The following PCDH15 variants were observed in gnomAD, a reference collection of about 807,000 sequenced individuals.
PCDH15 encodes protocadherin related 15.
Under a neutral mutation model 178.5 loss-of-function variants are expected in PCDH15, and 129 were observed. That is an observed-to-expected ratio of 0.72 (90% CI 0.63 to 0.84). PCDH15 has a LOEUF of 0.84. Ranked by LOEUF, PCDH15 falls within the 40% of genes least tolerant of loss-of-function variation. The pLI, the probability that PCDH15 is intolerant of heterozygous loss-of-function variation, is 0.00. For missense variants in PCDH15, 2,230 were observed against 2,099.9 expected (o/e 1.06, Z -1.21); for synonymous variants, 800 against 732.0 (o/e 1.09, Z -1.50).
intron 2 of PCDH15, among the ~76,000 whole-genome samples, chr10:55,480,781 C>T (rs963761606): frequency 3.3e-5 from 5 of 151,404 alleles, no homozygotes; most frequent in Non-Finnish European, 5.9e-5. Context: ...AAGATATTGG[C>T]CTGAAGTTTT....
intron 2 of PCDH15, among the ~76,000 whole-genome samples, chr10:55,330,866 G>GTGTGTGTGTGTA (rs1554853797): frequency 1.4e-5 from 2 of 142,854 alleles, no homozygotes; most frequent in African/African-American, 5.0e-5. Context: ...GTGTGTGTGT[G>GTGTGTGTGTGTA]TGTATGTGTA....
At chr10:55,437,839 T>C (rs1435483332) in intron 2 of PCDH15, among the ~76,000 whole-genome samples, 1 of 147,042 alleles carries the variant, frequency 6.8e-6, no homozygotes, top group Non-Finnish European at 1.5e-5. Context: ...TTTCTTTTTT[T>C]TTTTTTTTTT....
intron 21 of PCDH15, among the ~76,000 whole-genome samples, chr10:53,968,552 C>T (rs913871785): frequency 1.3e-5 from 2 of 152,196 alleles, no homozygotes; most frequent in East Asian, 1.9e-4. Context: ...CAGACTGCCT[C>T]CTCAAGTGGG....
intron 2 of PCDH15, among the ~76,000 whole-genome samples, chr10:55,159,488 CATACACACACACACAT>C (rs910047245): frequency 1.3e-5 from 2 of 149,158 alleles, no homozygotes; most frequent in Admixed American, 6.7e-5. Flanking sequence ...TACACACACA[CATACACACACACACAT>C]ATACACACAC....
At chr10:54,488,310 C>T (rs1380996795) in intron 3 of PCDH15, among the ~76,000 whole-genome samples, 1 of 151,630 alleles carries the variant, frequency 6.6e-6, no homozygotes, top group Non-Finnish European at 1.5e-5. Flanking sequence ...TTATTTTTAA[C>T]TAAAGTAGAA....
chr10:54,195,610 T>C (rs2049522679), intron 11 of PCDH15, 73 bp downstream of exon 11: 3 of 1,282,036 alleles, frequency 2.3e-6, no homozygotes, highest in Non-Finnish European at 3.4e-6. Context: ...TAGCCATATC[T>C]TTGTCATATT....
rs890694685 is a variant in PCDH15, at chr10:55,426,268, G to A, written c.-156+201357C>T. Among the ~76,000 whole-genome samples the A allele has an allele frequency of 5.3e-5, 8 of 152,318 alleles. No homozygotes were observed. In the South Asian group the frequency reaches 1.7e-3, roughly 32 times the overall value. The stretch of plus-strand genomic sequence containing the variant: ...TAGTGCCGGGTTTACTCAGCCCACA[G>A]CTCTCAACTCCTCGCAGGAGGGAGT... On this transcript the variant is annotated intron_variant, in intron 2 of 5. Coordinates refer to the PCDH15 transcript ENST00000613346.
At chr10:54,629,564 T>C (rs1168133531) in intron 2 of PCDH15, among the ~76,000 whole-genome samples, 2 of 152,034 alleles carry the variant, frequency 1.3e-5, no homozygotes, top group African/African-American at 4.8e-5. Context: ...GATAAAAACC[T>C]ACAACAAACT....
intron 2 of PCDH15, among the ~76,000 whole-genome samples, chr10:54,552,287 A>C (rs894508779): frequency 6.6e-6 from 1 of 152,132 alleles, no homozygotes; most frequent in African/African-American, 2.4e-5. Context: ...CAAAATCATA[A>C]AAAGTAGAAA....
At chr10:54,903,842 G>A (rs748276027) in intron 2 of PCDH15, among the ~76,000 whole-genome samples, 47 of 152,012 alleles carry the variant, frequency 3.1e-4, no homozygotes, top group African/African-American at 1.0e-3. Context: ...AAATGGTAGA[G>A]TTCATTTGTC....
At chr10:53,823,905 C>G in intron 32 of PCDH15, 1 of 392,350 alleles carries the variant, frequency 2.5e-6, no homozygotes, top group Non-Finnish European at 5.3e-6. Flanking sequence ...GAGTTTGTCT[C>G]ACAGCCCAAA....
chr10:55,199,138 A>G (rs930005813), intron 1 of PCDH15, among the ~76,000 whole-genome samples: 1 of 152,090 alleles, frequency 6.6e-6, no homozygotes, highest in African/African-American at 2.4e-5. Flanking sequence ...GAAGACAGGG[A>G]AATGAGAGAA....
chr10:53,950,159 C>A (rs1472299010), intron 23 of PCDH15, among the ~76,000 whole-genome samples: 1 of 151,756 alleles, frequency 6.6e-6, no homozygotes, highest in Non-Finnish European at 1.5e-5. Flanking sequence ...GTATAATATT[C>A]TGATTTTGAA....
In PCDH15 at chr10:54,089,875, AGG is replaced by A. The variant is rs1289345142; in HGVS notation, c.1997+107_1997+108del. Reference sequence around the variant, plus strand: ...CCATTAGCATTCATAGAAAACAGAAAGGGAAGTACAACTACAAACAGCTGAAA... The same window carrying A: ...CCATTAGCATTCATAGAAAACAGAAAGAAGTACAACTACAAACAGCTGAAA... On this transcript the variant is annotated intron_variant, in intron 16 of 37. Transcript: ENST00000644397. 5 of 809,188 alleles carry A rather than the reference AGG, an allele frequency of 6.2e-6. No individual in the cohort carries two copies. The African/African-American group carries it at 8.5e-5, about 14-fold the overall frequency. The allele number at this position is 809,188 out of a possible 1,614,324, so 50.1% of individuals were successfully genotyped here.
At chr10:55,340,842 TA>T (rs1445274969) in intron 2 of PCDH15, among the ~76,000 whole-genome samples, 1 of 152,078 alleles carries the variant, frequency 6.6e-6, no homozygotes, top group Non-Finnish European at 1.5e-5. Context: ...TTAATGGATT[TA>T]TTGTGCCTAA....
chr10:54,145,574 T>G lies in PCDH15; in HGVS notation c.1784+7526A>C, dbSNP rs574511738. 3.3e-5 allele frequency among the ~76,000 whole-genome samples: 5 copies of G among 152,202 alleles called. No individual in the cohort carries two copies. The East Asian group carries it at 7.7e-4, about 24-fold the overall frequency. On this transcript the variant is annotated intron_variant, in intron 14 of 37. Transcript: ENST00000644397. Reference sequence around the variant, plus strand: ...CCAATATAGGAGGACAGAGAAAACTTTTCTGGAGAAGTTACAGGGCAGAGT... The same window carrying G: ...CCAATATAGGAGGACAGAGAAAACTGTTCTGGAGAAGTTACAGGGCAGAGT...
chr10:55,442,481 T>TTA (rs1554869633), intron 2 of PCDH15, among the ~76,000 whole-genome samples: 3,580 of 123,014 alleles, frequency 0.029, 79 homozygotes, highest in Non-Finnish European at 0.043. Context: ...TATATATATA[T>TTA]TATATATATA....
intron 8 of PCDH15, among the ~76,000 whole-genome samples, chr10:54,286,633 T>A (rs2132865350): frequency 6.6e-6 from 1 of 152,288 alleles, no homozygotes; most frequent in Non-Finnish European, 1.5e-5. Flanking sequence ...TCCTGATTTT[T>A]TTTTCTTTTT....
At chr10:54,388,633 G>A (rs1478997961) in intron 3 of PCDH15, among the ~76,000 whole-genome samples, 1 of 152,150 alleles carries the variant, frequency 6.6e-6, no homozygotes, top group African/African-American at 2.4e-5. Flanking sequence ...CTGAATGGTA[G>A]GCATTGTAGT....
Sources: allele counts gnomAD v4.1 joint callset (sites outside exome capture counted in the v4.1 genomes callset), GRCh38; gene constraint gnomAD v4.1.1; transcripts MANE v1.5; gene names NCBI Gene and HGNC (gene_info 2026-07-23, HGNC 2026-07-21).